Variants in C2CD3 observed in about 807,000 individuals in gnomAD.
The protein encoded by C2CD3 is C2 domain-containing protein 3.
Under a neutral mutation model 234.0 loss-of-function variants are expected in C2CD3, and 148 were observed. The ratio of observed to expected loss-of-function variants is 0.63; its 90% CI spans 0.55 to 0.72. C2CD3 has a LOEUF of 0.72. Among genes scored for constraint, C2CD3 ranks in the 30% least tolerant of loss-of-function variants. The pLI is 0.00. For synonymous variants in C2CD3, 1,000 were observed against 1,035.4 expected (o/e 0.97, Z 0.66); for missense variants, 2,577 against 2,811.5 (o/e 0.92, Z 1.89).
intron 11 of C2CD3, among the ~76,000 whole-genome samples, chr11:74,109,851 T>C (rs1218003785): frequency 6.6e-6 from 1 of 151,798 alleles, no homozygotes. Flanking sequence ...GATGGGCAGA[T>C]CACGAGGTCA....
At chr11:74,096,564 C>A (rs189907289) in intron 16 of C2CD3, among the ~76,000 whole-genome samples, 1 of 152,112 alleles carries the variant, frequency 6.6e-6, no homozygotes, top group Admixed American at 6.5e-5. Context: ...TTCAGTTCTG[C>A]AAATGGTGAA....
rs898088771 is a variant in C2CD3 at position 74,013,381 on chromosome 11, T to C, written c.*4A>G. The C allele has an allele frequency of 3.1e-6, 3 of 981,096 alleles. No homozygotes were observed. The highest frequency in any genetic ancestry group is 4.2e-6 in the Non-Finnish European group (3 of 717,650). 60.8% of individuals were successfully genotyped at this position (981,096 alleles called of 1,614,324 possible). A position where few individuals can be genotyped will look rare whatever the true frequency, so the allele number is the denominator to read the frequency against. ...TCTCCTTCCCCCCAGCCCCTCAGGC[T>C]GCGTCAGTCTTTCTGGGAGTACTGA... On this transcript the variant is annotated 3_prime_UTR_variant, in exon 33 of 33. Transcript: ENST00000334126.
intron 32 of C2CD3, among the ~76,000 whole-genome samples, chr11:74,025,382 G>A (rs529278977): frequency 3.9e-4 from 59 of 152,222 alleles, no homozygotes; most frequent in Admixed American, 8.5e-4. Context: ...CGGATCACAA[G>A]GTCAAGAGAT....
chr11:74,039,391 C>T lies in C2CD3; in HGVS notation c.5661-1693G>A, dbSNP rs570584755. Among the ~76,000 whole-genome samples, 17 of 152,280 alleles carry T rather than the reference C, an allele frequency of 1.1e-4. No homozygotes were observed. The South Asian group carries it at 2.5e-3, about 22-fold the overall frequency. On this transcript the variant is annotated intron_variant, in intron 29 of 32. Transcript: ENST00000334126. ...TATGCAAATTGATCTCACCTTGTTT[C>T]GCGCCCATTTGGTAAAGAATTCCTC...
At chr11:74,021,177 G>A (rs192733081) in intron 32 of C2CD3, among the ~76,000 whole-genome samples, 1 of 152,222 alleles carries the variant, frequency 6.6e-6, no homozygotes, top group East Asian at 1.9e-4. Flanking sequence ...TTGAGCCCAG[G>A]AGTTTGCAGT....
At chr11:74,069,257 A>G (rs1007663660) in intron 24 of C2CD3, among the ~76,000 whole-genome samples, 4 of 152,344 alleles carry the variant, frequency 2.6e-5, no homozygotes, top group African/African-American at 7.2e-5. Context: ...GAGCAGGTCT[A>G]TCAGGTTTCT....
intron 29 of C2CD3, among the ~76,000 whole-genome samples, chr11:74,041,002 C>T (rs1478347279): frequency 6.9e-6 from 1 of 144,634 alleles, no homozygotes; most frequent in Non-Finnish European, 1.5e-5. Context: ...ACAGATTTTA[C>T]TCATGTCAAT....
At chr11:74,165,146 G>T (rs1157056394) in intron 2 of C2CD3, among the ~76,000 whole-genome samples, 1 of 152,076 alleles carries the variant, frequency 6.6e-6, no homozygotes, top group African/African-American at 2.4e-5. Flanking sequence ...TGATAGACTT[G>T]AAAGTATTTC....
At chr11:74,168,082 CTTGTTTAA>C (rs1856921256) in intron 2 of C2CD3, 2 of 349,646 alleles carry the variant, frequency 5.7e-6, no homozygotes, top group Non-Finnish European at 1.0e-5. Flanking sequence ...ATCTCTCCAA[CTTGTTTAA>C]TTGTCTATAA....
intron 30 of C2CD3, among the ~76,000 whole-genome samples, chr11:74,037,081 T>C (rs1952783506): frequency 6.6e-6 from 1 of 152,170 alleles, no homozygotes; most frequent in African/African-American, 2.4e-5. Flanking sequence ...ATTTTAAATA[T>C]GTTTATTGTT....
chr11:74,094,293 C>G (rs1345403660), intron 17 of C2CD3, among the ~76,000 whole-genome samples: 1 of 150,656 alleles, frequency 6.6e-6, no homozygotes, highest in Admixed American at 6.6e-5. Flanking sequence ...AGTAATGATG[C>G]TCAGTATTTT....
chr11:74,140,436 A>G (rs1355739967), intron 3 of C2CD3, among the ~76,000 whole-genome samples: 3 of 152,168 alleles, frequency 2.0e-5, no homozygotes, highest in Non-Finnish European at 2.9e-5. Context: ...TAGCATAATC[A>G]CCATTTACTG....
intron 6 of C2CD3, 30 bp from the exon 7 acceptor site, chr11:74,133,002 A>C (rs769586109): frequency 6.2e-7 from 1 of 1,608,182 alleles, no homozygotes; most frequent in East Asian, 2.2e-5. Flanking sequence ...TTTCTCACTG[A>C]GTGGCTAACA....
At position 74,078,325 on chromosome 11, in the gene C2CD3, C is replaced by T; in HGVS notation, c.4393G>A (p.Val1465Ile). 6.2e-7 allele frequency: 1 copy of T among 1,614,146 alleles called. No individual in the cohort carries two copies. Among genetic ancestry groups the T allele is most frequent in the Non-Finnish European group, 8.5e-7 (1 of 1,180,026 alleles). ...KESVNKKQIM[V>I]TFKASKRAEV... ...GCTCTTTTGGATGCCTTGAAAGTGA[C>T]CATAATCTGCTTTTTGTTTACAGAT... is the stretch of plus-strand genomic sequence containing the variant. Residue 1465 changes from valine to isoleucine, a missense_variant, in exon 23 of 33, where the codon GTC becomes ATC. Coordinates refer to ENST00000334126, the MANE Select transcript of C2CD3 (RefSeq NM_001286577.2).
Position 74,037,575 on chromosome 11 carries a change from G to T in C2CD3, c.5784C>A (p.Asp1928Glu). ...GGCTGCTGGCACCTGGCCCAAGATG[G>T]TCCCTACAGCTCTCCTGGTGCTGTG... ...AISQHQESCR[D>E]HLGPGASSLD... is the part of the protein sequence containing the mutation. Residue 1928 changes from aspartate (D) to glutamate (E), a missense_variant, in exon 30 of 33, where the codon GAC becomes GAA. Coordinates refer to ENST00000334126, the MANE Select transcript of C2CD3 (RefSeq NM_001286577.2). 6.2e-7 allele frequency: 1 copy of T among 1,614,090 alleles called. No homozygotes were observed.
At chr11:74,025,243 A>G (rs973192150) in intron 32 of C2CD3, among the ~76,000 whole-genome samples, 15 of 152,148 alleles carry the variant, frequency 9.9e-5, no homozygotes, top group Admixed American at 8.5e-4. Flanking sequence ...AAAATGTACC[A>G]TAAGTCAAAT....
At chr11:74,158,722 CAAA>C (rs199754445) in intron 3 of C2CD3, among the ~76,000 whole-genome samples, 1 of 130,902 alleles carries the variant, frequency 7.6e-6, no homozygotes, top group African/African-American at 2.7e-5. Flanking sequence ...AACTTCGTCT[CAAA>C]AAAAAAAAGA....
intron 7 of C2CD3, chr11:74,129,026 T>C (rs1159297668): frequency 2.0e-5 from 5 of 253,688 alleles, no homozygotes; most frequent in Admixed American, 5.0e-5. Context: ...AAAACCGCCA[T>C]TGTCATCATG....
rs1565338599 is a variant in C2CD3 at position 74,139,928 on chromosome 11, C to CCCCCATTCCCTAG, written c.484-101_484-100insCTAGGGAATGGGG. The CCCCCATTCCCTAG allele has an allele frequency of 6.2e-5, 34 of 545,476 alleles. 2 individuals are homozygous for CCCCCATTCCCTAG. Among genetic ancestry groups the CCCCCATTCCCTAG allele is most frequent in the African/African-American group, 2.9e-4 (7 of 24,446 alleles). The allele number at this position is 545,476 out of a possible 1,614,324, so 33.8% of individuals were successfully genotyped here. On this transcript the variant is annotated intron_variant, in intron 3 of 32. Transcript: ENST00000334126. Reference sequence around the variant, plus strand: ...ATTAATTAATGTCCCCCATTCCCTACAGGATTGTAAGGAATGTCCCCCATT... The same window carrying CCCCCATTCCCTAG: ...ATTAATTAATGTCCCCCATTCCCTACCCCCATTCCCTAGAGGATTGTAAGGAATGTCCCCCATT...
Sources: gnomAD v4.1 joint callset for allele counts (sites outside exome capture counted in the v4.1 genomes callset) on GRCh38, gnomAD v4.1.1 for gene constraint, MANE v1.5 for transcripts, NCBI Gene and HGNC (gene_info 2026-07-23, HGNC 2026-07-21) for gene names.